Variants in PCDHA1 observed in about 807,000 individuals in gnomAD.
PCDHA1 encodes the protein protocadherin alpha-1.
In PCDHA1, 42 loss-of-function variants were observed where a neutral mutation model predicts 61.3. The ratio of observed to expected loss-of-function variants is 0.69; its 90% CI spans 0.54 to 0.89. PCDHA1 has a LOEUF of 0.89. Among genes scored for constraint, PCDHA1 ranks in the 40% least tolerant of loss-of-function variants. PCDHA1 has a pLI of 0.00. For missense variants in PCDHA1, 1,256 were observed against 1,235.3 expected (o/e 1.02, Z -0.25); for synonymous variants, 610 against 553.8 (o/e 1.10, Z -1.43).
chr5:140,988,299 G>A (rs2097291981), intron 3 of PCDHA1, among the ~76,000 whole-genome samples: 2 of 152,218 alleles, frequency 1.3e-5, no homozygotes, highest in Non-Finnish European at 2.9e-5. Context: ...GCCCAGGAGT[G>A]CCAGCTTGGC....
chr5:141,001,403 G>C (rs2098015477), intron 3 of PCDHA1, among the ~76,000 whole-genome samples: 1 of 152,232 alleles, frequency 6.6e-6, no homozygotes, highest in Non-Finnish European at 1.5e-5. Flanking sequence ...AGAACAGGGA[G>C]TATATTTTTA....
chr5:140,876,194 C>G (rs782432614), intron 1 of PCDHA1: 38 of 1,613,742 alleles, frequency 2.4e-5, no homozygotes, highest in Non-Finnish European at 2.9e-5. Context: ...AATGGTCCGG[C>G]GTTTGATAAG....
At chr5:140,890,829 T>A (rs1477608523) in intron 1 of PCDHA1, among the ~76,000 whole-genome samples, 1 of 152,226 alleles carries the variant, frequency 6.6e-6, no homozygotes, top group Non-Finnish European at 1.5e-5. Context: ...TGTACTTACA[T>A]ATTTACCAGT....
rs2150132221 is a variant in PCDHA1 at position 140,824,107 on chromosome 5, G to T, written c.2394+35423G>T. ...GGCCTTCAGTCCAAGCCTTCCTCAG[G>T]GTCCCACCTCTACAGACAACGTGAG... On this transcript the variant is annotated intron_variant, in intron 1 of 3. Transcript: ENST00000504120. The T allele has an allele frequency of 6.2e-6, 10 of 1,613,972 alleles. No homozygotes were observed. In the South Asian group the frequency reaches 9.9e-5, roughly 16 times the overall value.
At chr5:140,817,411 G>T (rs1366337221) in intron 1 of PCDHA1, 1 of 152,234 alleles carries the variant, frequency 6.6e-6, no homozygotes, top group Admixed American at 6.5e-5. Flanking sequence ...TTGTTGTTGA[G>T]TTGGTATACC....
chr5:140,827,775 G>A (rs1350103739), intron 1 of PCDHA1, among the ~76,000 whole-genome samples: 1 of 152,106 alleles, frequency 6.6e-6, no homozygotes, highest in Non-Finnish European at 1.5e-5. Flanking sequence ...AAAGAAGTCG[G>A]GATAACACTG....
chr5:140,836,904 A>G (rs1774799044), intron 1 of PCDHA1: 1 of 589,848 alleles, frequency 1.7e-6, no homozygotes, highest in Non-Finnish European at 2.8e-6. Context: ...TACGTTTAAT[A>G]TACACTTTTG....
rs2098416049 is a variant in PCDHA1, at chr5:141,010,101, T to G, written c.*164T>G. The G allele has an allele frequency of 6.2e-6, 10 of 1,612,488 alleles. No homozygotes were observed. Among genetic ancestry groups the G allele is most frequent in the Non-Finnish European group, 8.5e-6 (10 of 1,179,154 alleles). ...GTCTGTCTAGAACGCATTTAACAGG[T>G]TTTGTCGTAAAAGCTTTACTAAGTC... On this transcript the variant is annotated 3_prime_UTR_variant, in exon 4 of 4. Transcript: ENST00000504120.
At chr5:140,969,304 C>CA in intron 1 of PCDHA1, 3 of 1,614,160 alleles carry the variant, frequency 1.9e-6, no homozygotes, top group Non-Finnish European at 2.5e-6. Flanking sequence ...TGATTATTCT[C>CA]AAAAATGAGG....
In PCDHA1 at chr5:140,857,482, G is replaced by A. The variant is rs782347083; in HGVS notation, c.2394+68798G>A. On this transcript the variant is annotated intron_variant, in intron 1 of 3. Transcript: ENST00000504120. ...GCTGCCACATCTTCACGGTGTCTGC[G>A]TGGGACGCGGACGCGCAGGAGAACG... 2.3e-5 allele frequency: 36 copies of A among 1,598,422 alleles called. 1 individual carries two copies. The highest frequency in any genetic ancestry group is 2.6e-5 in the Non-Finnish European group (30 of 1,167,890).
intron 1 of PCDHA1, chr5:140,828,112 T>C (rs970956452): frequency 6.2e-7 from 1 of 1,611,926 alleles, no homozygotes; most frequent in Non-Finnish European, 8.5e-7. Flanking sequence ...CCCCGGAGGA[T>C]AGATTGGGAA....
intron 3 of PCDHA1, among the ~76,000 whole-genome samples, chr5:140,993,462 T>TCTCACA (rs1235362335): frequency 7.1e-6 from 1 of 140,938 alleles, no homozygotes; most frequent in Non-Finnish European, 1.5e-5. Flanking sequence ...TCTTTCTTTC[T>TCTCACA]CACACACACA....
At chr5:141,004,331 C>G (rs1244942275) in intron 3 of PCDHA1, among the ~76,000 whole-genome samples, 1 of 152,210 alleles carries the variant, frequency 6.6e-6, no homozygotes, top group Non-Finnish European at 1.5e-5. Flanking sequence ...AGGTGAGGCA[C>G]AGTGGTCTGT....
chr5:140,836,560 C>A (rs782229036), intron 1 of PCDHA1: 2 of 1,613,622 alleles, frequency 1.2e-6, no homozygotes, highest in African/African-American at 1.3e-5. Context: ...TGCTCAGCGC[C>A]GTCCTCTGAG....
intron 1 of PCDHA1, chr5:140,868,832 C>T: frequency 2.4e-6 from 1 of 420,492 alleles, no homozygotes; most frequent in Non-Finnish European, 4.1e-6. Context: ...GGAAGAAACC[C>T]AAAACACGTG....
Position 140,835,579 on chromosome 5 carries a change from C to T in PCDHA1, c.2394+46895C>T, listed in dbSNP as rs2150238736. ...CCCCGCGTTCCCTTCAAGTTGGTGT[C>T]CACCTTCAAGAATTACTATTCATTG... On this transcript the variant is annotated intron_variant, in intron 1 of 3. Transcript: ENST00000504120. 5 of 1,613,798 alleles carry T rather than the reference C, an allele frequency of 3.1e-6. No individual in the cohort carries two copies. The African/African-American group carries it at 5.3e-5, about 17-fold the overall frequency.
chr5:140,977,433 A>G (rs939711301), intron 1 of PCDHA1, among the ~76,000 whole-genome samples: 6 of 152,218 alleles, frequency 3.9e-5, no homozygotes, highest in Non-Finnish European at 7.3e-5. Flanking sequence ...TAACACCGCT[A>G]GTAGATAATG....
chr5:140,807,737 C>A, intron 1 of PCDHA1: 1 of 1,613,862 alleles, frequency 6.2e-7, no homozygotes, highest in East Asian at 2.2e-5. Context: ...GGAAAAACCA[C>A]CTGATGACGA....
intron 1 of PCDHA1, among the ~76,000 whole-genome samples, chr5:140,846,525 C>T (rs140986120): frequency 1.3e-5 from 2 of 148,378 alleles, no homozygotes; most frequent in East Asian, 3.9e-4. Context: ...CAGGTGCATG[C>T]CACCATGCCC....
Sources: gnomAD v4.1 joint callset for allele counts (sites outside exome capture counted in the v4.1 genomes callset) on GRCh38, gnomAD v4.1.1 for gene constraint, MANE v1.5 for transcripts, NCBI Gene and HGNC (gene_info 2026-07-23, HGNC 2026-07-21) for gene names.